Variants in HDAC9 observed in about 807,000 individuals in gnomAD.
The protein encoded by HDAC9 is histone deacetylase 9, also known as MEF-2 interacting transcription repressor (MITR) protein.
In HDAC9, 41 loss-of-function variants were observed where a neutral mutation model predicts 139.4. The ratio of observed to expected loss-of-function variants is 0.29; its 90% CI spans 0.23 to 0.38. The LOEUF is 0.38. HDAC9 is among the 10% of genes least tolerant of loss of function. The pLI is 1.00. For missense variants in HDAC9, 1,147 were observed against 1,297.0 expected, an observed-to-expected ratio of 0.88 and a Z score of 1.78; for synonymous variants, 517 against 476.2, an observed-to-expected ratio of 1.09 and a Z score of -1.12.
intron 9 of HDAC9, among the ~76,000 whole-genome samples, chr7:18,646,363 G>A (rs974406228): frequency 2.6e-5 from 4 of 152,066 alleles, no homozygotes; most frequent in African/African-American, 7.2e-5. Flanking sequence ...GAGGTAATAC[G>A]ATTTGGTACC....
chr7:18,223,197 G>T (rs917377455), intron 2 of HDAC9, among the ~76,000 whole-genome samples: 5 of 151,974 alleles, frequency 3.3e-5, no homozygotes, highest in Non-Finnish European at 7.4e-5. Flanking sequence ...GTTTTTTCTA[G>T]TAATTTAAAG....
intron 22 of HDAC9, among the ~76,000 whole-genome samples, chr7:18,888,691 C>T (rs1232739559): frequency 3.3e-5 from 5 of 152,182 alleles, no homozygotes; most frequent in African/African-American, 1.2e-4. Flanking sequence ...CCTATCATCT[C>T]TTTACATGGT....
chr7:18,704,978 C>T (rs567021426), intron 12 of HDAC9, among the ~76,000 whole-genome samples: 21 of 152,134 alleles, frequency 1.4e-4, no homozygotes, highest in African/African-American at 4.8e-4. Flanking sequence ...ATATGTGGGC[C>T]ACACATACGA....
intron 1 of HDAC9, among the ~76,000 whole-genome samples, chr7:18,454,289 G>A (rs550699590): frequency 3.0e-4 from 45 of 152,096 alleles, no homozygotes; most frequent in African/African-American, 7.5e-4. Context: ...TAGGTCACTC[G>A]AATTTTGAGA....
intron 12 of HDAC9, among the ~76,000 whole-genome samples, chr7:18,684,861 G>T (rs1782154801): frequency 6.6e-6 from 1 of 151,856 alleles, no homozygotes; most frequent in Non-Finnish European, 1.5e-5. Flanking sequence ...CTCCACCTAA[G>T]TTATGTTCTA....
chr7:18,733,870 C>A (rs1786632785), intron 13 of HDAC9, among the ~76,000 whole-genome samples: 1 of 151,970 alleles, frequency 6.6e-6, no homozygotes, highest in Non-Finnish European at 1.5e-5. Context: ...CTGAGGCCAA[C>A]CTGATATGCG....
At chr7:18,886,449 C>G (rs1800159333) in intron 22 of HDAC9, among the ~76,000 whole-genome samples, 1 of 152,164 alleles carries the variant, frequency 6.6e-6, no homozygotes, top group South Asian at 2.1e-4. Flanking sequence ...TCCATTAATA[C>G]TAAGATATAC....
intron 1 of HDAC9, among the ~76,000 whole-genome samples, chr7:18,161,685 C>A (rs1787638062): frequency 6.6e-6 from 1 of 152,132 alleles, no homozygotes; most frequent in Non-Finnish European, 1.5e-5. Context: ...TGGGCTGGAA[C>A]AAGATTACAA....
intron 7 of HDAC9, among the ~76,000 whole-genome samples, chr7:18,631,869 C>T (rs906819017): frequency 5.3e-5 from 8 of 152,140 alleles, no homozygotes; most frequent in Non-Finnish European, 1.0e-4. Flanking sequence ...TTGCTATCTT[C>T]TCCCAGATCC....
At chr7:18,438,845 G>A (rs527325780) in intron 1 of HDAC9, among the ~76,000 whole-genome samples, 1 of 151,932 alleles carries the variant, frequency 6.6e-6, no homozygotes, top group Non-Finnish European at 1.5e-5. Flanking sequence ...TCATTTTATG[G>A]GACTAAACTT....
chr7:18,720,903 A>G (rs972921978), intron 12 of HDAC9, among the ~76,000 whole-genome samples: 6 of 150,604 alleles, frequency 4.0e-5, no homozygotes, highest in East Asian at 1.9e-4. Context: ...CTGGTCTTGA[A>G]CTCCTGGGCT....
chr7:18,529,147 G>A (rs755874993), intron 2 of HDAC9, among the ~76,000 whole-genome samples: 1 of 151,294 alleles, frequency 6.6e-6, no homozygotes, highest in African/African-American at 2.4e-5. Context: ...TAGCCAAGAA[G>A]AAAATTAAAA....
At chr7:18,752,761 T>C (rs980366741) in intron 14 of HDAC9, among the ~76,000 whole-genome samples, 6 of 152,138 alleles carry the variant, frequency 3.9e-5, no homozygotes. Context: ...GCCAGGTCAG[T>C]GCATTGTTTT....
upstream of HDAC9, among the ~76,000 whole-genome samples, chr7:18,289,679 A>T (rs560138802): frequency 1.3e-5 from 2 of 152,238 alleles, no homozygotes; most frequent in African/African-American, 4.8e-5. Flanking sequence ...TAGCTCAGAA[A>T]ATTGCATCAT....
At chr7:18,462,954 A>T (rs1465529620) in intron 1 of HDAC9, among the ~76,000 whole-genome samples, 1 of 151,958 alleles carries the variant, frequency 6.6e-6, no homozygotes, top group African/African-American at 2.4e-5. Flanking sequence ...TTCCAGGGTG[A>T]TTGTGCCAAT....
At chr7:18,385,836 G>A (rs1317335409) in intron 1 of HDAC9, among the ~76,000 whole-genome samples, 1 of 151,762 alleles carries the variant, frequency 6.6e-6, no homozygotes, top group East Asian at 1.9e-4. Context: ...AAATTTCCTA[G>A]CATAGGACCT....
intron 1 of HDAC9, among the ~76,000 whole-genome samples, chr7:18,376,429 T>G (rs1057472094): frequency 6.6e-6 from 1 of 152,256 alleles, no homozygotes; most frequent in African/African-American, 2.4e-5. Context: ...TTCCTCATGC[T>G]TCATATGCAG....
At chr7:18,590,524 T>G in intron 4 of HDAC9, 38 bp downstream of exon 4, 2 of 1,557,714 alleles carry the variant, frequency 1.3e-6, no homozygotes, top group South Asian at 2.4e-5. Flanking sequence ...CTCTCTTTCC[T>G]CATCGTTAGC....
chr7:18,450,549 T>G (rs1485334062), intron 1 of HDAC9, among the ~76,000 whole-genome samples: 1 of 152,244 alleles, frequency 6.6e-6, no homozygotes, highest in Admixed American at 6.5e-5. Context: ...TTTGCTTGTC[T>G]GATAAATGAT....
Sources: allele counts gnomAD v4.1 joint callset (sites outside exome capture counted in the v4.1 genomes callset), GRCh38; gene constraint gnomAD v4.1.1; transcripts MANE v1.5; gene names NCBI Gene and HGNC (gene_info 2026-07-23, HGNC 2026-07-21).